Variants in DCP2 observed in about 807,000 individuals in gnomAD.
DCP2 encodes m7GpppN-mRNA hydrolase.
A neutral mutation model predicts 56.1 loss-of-function variants in DCP2; 30 were observed. The observed-to-expected ratio is 0.53, with a 90% confidence interval of 0.40 to 0.73. The LOEUF (loss-of-function observed/expected upper bound fraction) is 0.73, where lower values mean the gene tolerates loss of function less well. Among genes scored for constraint, DCP2 ranks in the 30% least tolerant of loss-of-function variants. The pLI is 0.00. For missense variants in DCP2, 533 were observed against 502.7 expected (o/e 1.06, Z -0.58); for synonymous variants, 197 against 163.3 (o/e 1.21, Z -1.57).
chr5:113,009,612 C>G (rs914695316), intron 9 of DCP2, among the ~76,000 whole-genome samples: 1 of 152,066 alleles, frequency 6.6e-6, no homozygotes. Flanking sequence ...AAAGAATGTT[C>G]ACCCCCTTTA....
rs60251393 is a variant in DCP2 at position 113,000,061 on chromosome 5, CAAAAAAA to C, written c.433-1008_433-1002del. Among the ~76,000 whole-genome samples, 807 of 89,938 alleles carry C rather than the reference CAAAAAAA, an allele frequency of 9.0e-3. 9 individuals carry two copies. Among genetic ancestry groups the C allele is most frequent in the African/African-American group, 0.034 (767 of 22,888 alleles). 59.0% of individuals were successfully genotyped at this position (89,938 alleles called of 152,430 possible). A position where few individuals can be genotyped will look rare whatever the true frequency, so the allele number is the denominator to read the frequency against. ...GGGCAACAAGAGCGAAACTCCATCT[CAAAAAAA>C]AAAAAAAAAAAAAAGAAGAAGAAAA... On this transcript the variant is annotated intron_variant, in intron 4 of 10. Coordinates refer to ENST00000389063, the MANE Select transcript of DCP2 (RefSeq NM_152624.6).
rs1561697612 is a variant in DCP2, at chr5:113,000,418, A to ACC, written c.433-665_433-664insCC. On this transcript the variant is annotated intron_variant, in intron 4 of 10. Coordinates refer to ENST00000389063, the MANE Select transcript of DCP2 (RefSeq NM_152624.6). Reference sequence around the variant, plus strand: ...GTCTAATACACACACACACACACACACACACACCCACACACCCTACCTGAG... The same window carrying ACC: ...GTCTAATACACACACACACACACACACCCACACACCCACACACCCTACCTGAG... Among the ~76,000 whole-genome samples, 51 of 102,240 alleles carry ACC rather than the reference A, an allele frequency of 5.0e-4. No homozygotes were observed. The South Asian group carries it at 6.4e-3, about 13-fold the overall frequency. The allele number at this position is 102,240 out of a possible 152,430, so 67.1% of individuals were successfully genotyped here.
chr5:112,993,650 A>C (rs1748702215), intron 4 of DCP2, among the ~76,000 whole-genome samples: 2 of 125,442 alleles, frequency 1.6e-5, no homozygotes, highest in Admixed American at 1.8e-4. Flanking sequence ...CCAAAAAAAA[A>C]AAACCAAAAT....
intron 2 of DCP2, among the ~76,000 whole-genome samples, chr5:112,986,683 G>A (rs933931701): frequency 2.0e-5 from 3 of 152,072 alleles, no homozygotes. Context: ...TTGAAGCAGT[G>A]TTTTCAGTTG....
At chr5:113,005,223 A>C (rs924683539) in intron 8 of DCP2, among the ~76,000 whole-genome samples, 1 of 152,030 alleles carries the variant, frequency 6.6e-6, no homozygotes, top group African/African-American at 2.4e-5. Context: ...TTTTCAAAAT[A>C]GTGAAAAAGT....
At position 113,019,925 on chromosome 5, in the gene DCP2, A is replaced by T. The variant is rs562770889; in HGVS notation, c.*6441A>T. Reference sequence around the variant, plus strand: ...ATAAGATTGCCTTTTGTCTAACCGAAATAGGGCATACAGATTAGTTTGGAT... The same window carrying T: ...ATAAGATTGCCTTTTGTCTAACCGATATAGGGCATACAGATTAGTTTGGAT... On this transcript the variant is annotated 3_prime_UTR_variant, in exon 11 of 11. Coordinates refer to ENST00000389063, the MANE Select transcript of DCP2 (RefSeq NM_152624.6). The T allele has an allele frequency of 4.3e-4, 66 of 152,352 alleles. No homozygotes were observed. The highest frequency in any genetic ancestry group is 1.5e-3 in the African/African-American group (62 of 41,586). The allele number at this position is 152,352 out of a possible 1,614,324, so 9.4% of individuals were successfully genotyped here.
At chr5:113,002,857 A>C (rs1749244091) in intron 7 of DCP2, among the ~76,000 whole-genome samples, 1 of 152,186 alleles carries the variant, frequency 6.6e-6, no homozygotes, top group African/African-American at 2.4e-5. Flanking sequence ...CAAGTCAGTT[A>C]CAGAGTAGGC....
rs1181496332 is a variant in DCP2, at chr5:112,984,701, A to ATATATATAT, written c.54-1134_54-1133insTATATATAT. The ATATATATAT allele has an allele frequency of 1.3e-3, 105 of 79,530 alleles. No individual in the cohort carries two copies. In the South Asian group the frequency reaches 0.015, roughly 11 times the overall value. 4.9% of individuals were successfully genotyped at this position (79,530 alleles called of 1,614,324 possible). A position where few individuals can be genotyped will look rare whatever the true frequency, so the allele number is the denominator to read the frequency against. On this transcript the variant is annotated intron_variant, in intron 1 of 10. Transcript: ENST00000389063. ...ATTTCTTAATTAAAAAAAAAAAAAAAAAATATATATATATATATATATATT... is the reference window on the plus strand; with the variant it reads ...ATTTCTTAATTAAAAAAAAAAAAAAATATATATATAAATATATATATATATATATATATT...
At chr5:112,980,769 A>C (rs933510552) in intron 1 of DCP2, among the ~76,000 whole-genome samples, 1 of 151,834 alleles carries the variant, frequency 6.6e-6, no homozygotes, top group Non-Finnish European at 1.5e-5. Flanking sequence ...TTCTTTCCCT[A>C]CCCTTTTCTA....
chr5:112,998,425 C>A (rs1748963535), intron 4 of DCP2, among the ~76,000 whole-genome samples: 1 of 152,202 alleles, frequency 6.6e-6, no homozygotes, highest in African/African-American at 2.4e-5. Context: ...AAGACGTCTA[C>A]TAAAGGCTGA....
intron 8 of DCP2, among the ~76,000 whole-genome samples, chr5:113,006,010 C>G (rs999420477): frequency 6.6e-6 from 1 of 151,156 alleles, no homozygotes; most frequent in Admixed American, 6.6e-5. Context: ...CCTGTAGTTC[C>G]AGCTGCTCAG....
chr5:112,992,570 C>T (rs3733968), intron 3 of DCP2, 102 bp from the exon 4 acceptor site: 179,768 of 834,010 alleles, frequency 0.22, 23,120 homozygotes, highest in African/African-American at 0.53. Flanking sequence ...AAATTATTGG[C>T]GATAACAGTT....
chr5:113,006,648 CTATT>C (rs145784718), intron 8 of DCP2, among the ~76,000 whole-genome samples: 2,568 of 152,018 alleles, frequency 0.017, 71 homozygotes, highest in African/African-American at 0.059. Context: ...GAAGTTCCTC[CTATT>C]TATTCTATTT....
At chr5:112,981,854 C>T (rs925104597) in intron 1 of DCP2, among the ~76,000 whole-genome samples, 10 of 152,092 alleles carry the variant, frequency 6.6e-5, no homozygotes, top group African/African-American at 1.4e-4. Flanking sequence ...CACTGCAACC[C>T]GTGTCTCCTG....
chr5:113,001,191 T>C lies in DCP2; in HGVS notation c.540T>C (p.Ile180=). ...CTCGTTTGTACATCATTCCAGGAAT[T>C]CCAAAAGACACAAAATTTAACCCAA... ...QLARLYIIPG[I]PKDTKFNPKT... is the part of the protein sequence containing the mutation. Residue 180 remains isoleucine (I), a synonymous_variant, in exon 5 of 11, where the codon ATT becomes ATC. Transcript: ENST00000389063. The C allele has an allele frequency of 6.2e-7, 1 of 1,613,512 alleles. No homozygotes were observed. The highest frequency in any genetic ancestry group is 8.5e-7 in the Non-Finnish European group (1 of 1,179,874).
intron 2 of DCP2, among the ~76,000 whole-genome samples, chr5:112,987,070 TGTC>T (rs1192743183): frequency 3.3e-5 from 5 of 152,170 alleles, no homozygotes; most frequent in East Asian, 1.9e-4. Flanking sequence ...GGCAGAAACT[TGTC>T]GTGATTTATT....
intron 1 of DCP2, among the ~76,000 whole-genome samples, chr5:112,979,488 C>T (rs946931331): frequency 1.3e-5 from 2 of 151,994 alleles, no homozygotes; most frequent in African/African-American, 2.4e-5. Flanking sequence ...CTTTTATGTA[C>T]GTCTTGATTT....
chr5:112,988,736 A>G (rs1243070131), intron 2 of DCP2, among the ~76,000 whole-genome samples: 1 of 152,192 alleles, frequency 6.6e-6, no homozygotes, highest in Non-Finnish European at 1.5e-5. Context: ...GGCCTTGGTG[A>G]TAGGTTCTCT....
At chr5:112,982,193 T>C (rs1211061645) in intron 1 of DCP2, among the ~76,000 whole-genome samples, 1 of 149,514 alleles carries the variant, frequency 6.7e-6, no homozygotes, top group African/African-American at 2.5e-5. Context: ...CTCTCTAATA[T>C]GTCCAAAGTT....
Sources: allele counts gnomAD v4.1 joint callset (sites outside exome capture counted in the v4.1 genomes callset), GRCh38; gene constraint gnomAD v4.1.1; transcripts MANE v1.5; gene names NCBI Gene and HGNC (gene_info 2026-07-23, HGNC 2026-07-21).